The following ARFGEF1 variants were observed in gnomAD, a reference collection of about 807,000 sequenced individuals.
The protein encoded by ARFGEF1 is brefeldin A-inhibited guanine nucleotide-exchange protein 1.
In ARFGEF1, 42 loss-of-function variants were observed where a neutral mutation model predicts 231.0. That is an observed-to-expected ratio of 0.18 (90% CI 0.14 to 0.24). The LOEUF (loss-of-function observed/expected upper bound fraction) is 0.24. Ranked by LOEUF, ARFGEF1 falls within the 10% of genes least tolerant of loss-of-function variation. The probability of loss-of-function intolerance (pLI) is 1.00; values close to 1 mark genes in which losing one functional copy is unlikely to be tolerated. For missense variants in ARFGEF1, 1,345 were observed against 2,192.0 expected, an observed-to-expected ratio of 0.61 and a Z score of 7.72; for synonymous variants, 710 against 732.3, an observed-to-expected ratio of 0.97 and a Z score of 0.49.
chr8:67,200,400 T>G lies in ARFGEF1; in HGVS notation c.5381A>C (p.Asn1794Thr). 1 of 1,551,916 alleles carries G rather than the reference T, an allele frequency of 6.4e-7. No homozygotes were observed. Among genetic ancestry groups the G allele is most frequent in the Non-Finnish European group, 8.9e-7 (1 of 1,123,544 alleles). ...GATTCGAAGCCTCATACTTACCCTATTATCACTTATCTTTAGAACTTTAGT... is the reference window on the plus strand; with the variant it reads ...GATTCGAAGCCTCATACTTACCCTAGTATCACTTATCTTTAGAACTTTAGT... ...FLTKVLKISD[N>T]RFKAHASFYY... The change falls in exon 38 of 39, where the codon AAT (asparagine) becomes ACT (threonine). Residue 1794 changes from asparagine (N) to threonine (T), a missense_variant. Asn to Thr is a moderately conservative substitution (Grantham distance 65). This residue lies in a region of ARFGEF1 where 161 missense variants were observed against 284.9 expected (regional missense o/e 0.57). Transcript: ENST00000262215.
intron 29 of ARFGEF1, among the ~76,000 whole-genome samples, chr8:67,222,190 T>TATATATATATACACAC (rs1839200674): frequency 3.0e-5 from 4 of 134,924 alleles, no homozygotes; most frequent in South Asian, 2.3e-4. Context: ...CACATATATA[T>TATATATATATACACAC]ATATATATAT....
chr8:67,303,692 C>A (rs546975288), intron 1 of ARFGEF1, among the ~76,000 whole-genome samples: 4 of 149,162 alleles, frequency 2.7e-5, no homozygotes, highest in African/African-American at 7.4e-5. Context: ...CCAGCCTCAG[C>A]GACAGAGTGA....
chr8:67,271,599 A>G (rs777362065), intron 10 of ARFGEF1, 103 bp downstream of exon 10: 42 of 862,708 alleles, frequency 4.9e-5, no homozygotes, highest in Non-Finnish European at 6.4e-5. Context: ...CAATATACAA[A>G]TATTATTTCA....
chr8:67,238,141 G>A (rs1420847160), intron 22 of ARFGEF1, among the ~76,000 whole-genome samples: 1 of 152,206 alleles, frequency 6.6e-6, no homozygotes, highest in African/African-American at 2.4e-5. Context: ...CAACCAGAGA[G>A]AAGCCTGAAA....
At chr8:67,284,892 A>G (rs1015966059) in intron 7 of ARFGEF1, among the ~76,000 whole-genome samples, 1 of 152,178 alleles carries the variant, frequency 6.6e-6, no homozygotes, top group African/African-American at 2.4e-5. Flanking sequence ...GCTGAGGAAA[A>G]GGGAAGTTGA....
intron 5 of ARFGEF1, among the ~76,000 whole-genome samples, chr8:67,181,578 G>A (rs774564383): frequency 2.0e-4 from 30 of 152,056 alleles, no homozygotes; most frequent in Non-Finnish European, 4.1e-4. Flanking sequence ...TGCAAATGCT[G>A]CATAAGTAAG....
chr8:67,191,372 C>G (rs991244553), intron 5 of ARFGEF1, among the ~76,000 whole-genome samples: 2 of 152,326 alleles, frequency 1.3e-5, no homozygotes, highest in East Asian at 1.9e-4. Flanking sequence ...GCCAAGTATG[C>G]AGAGACCTCA....
intron 19 of ARFGEF1, among the ~76,000 whole-genome samples, chr8:67,240,902 T>C (rs1445333550): frequency 6.6e-6 from 1 of 152,162 alleles, no homozygotes; most frequent in East Asian, 1.9e-4. Context: ...CTTTGAATCC[T>C]GAATGAAGTT....
At chr8:67,275,305 A>G (rs535291563) in intron 9 of ARFGEF1, among the ~76,000 whole-genome samples, 37 of 152,202 alleles carry the variant, frequency 2.4e-4, no homozygotes, top group African/African-American at 8.9e-4. Context: ...AATTAGTTAC[A>G]TTTGAATCAC....
At chr8:67,320,633 CT>C (rs1382443117) in intron 1 of ARFGEF1, among the ~76,000 whole-genome samples, 10 of 152,182 alleles carry the variant, frequency 6.6e-5, no homozygotes, top group Non-Finnish European at 1.3e-4. Context: ...GTTAAACAAA[CT>C]ATACGACATC....
intron 22 of ARFGEF1, 45 bp downstream of exon 22, chr8:67,238,298 T>G: frequency 6.5e-7 from 1 of 1,528,234 alleles, no homozygotes; most frequent in Non-Finnish European, 8.8e-7. Flanking sequence ...TGACTTATAA[T>G]GAGGAAGTTA....
intron 1 of ARFGEF1, among the ~76,000 whole-genome samples, chr8:67,306,274 G>A (rs1365112877): frequency 6.6e-6 from 1 of 152,164 alleles, no homozygotes; most frequent in African/African-American, 2.4e-5. Context: ...TATAGAGCAT[G>A]GAGACACTGG....
intron 7 of ARFGEF1, among the ~76,000 whole-genome samples, chr8:67,284,053 G>T (rs889579531): frequency 9.9e-5 from 15 of 152,160 alleles, no homozygotes; most frequent in Admixed American, 9.8e-4. Context: ...AGCATTATTT[G>T]TAACAGCAAA....
Position 67,201,528 on chromosome 8 carries a change from G to T in ARFGEF1, c.5206C>A (p.Arg1736=). ...ACGCGGCTCTCATCCATGTACATCC[G>T]GAAGAGAATGCGCAGCCCACAGGCC... ...SLACGLRILF[R]MYMDESRVSA... is the part of the protein sequence containing the mutation. The change falls in exon 37 of 39, where the codon CGG becomes AGG. Residue 1736 remains arginine (R), a synonymous_variant. Transcript: ENST00000262215. The T allele has an allele frequency of 6.2e-7, 1 of 1,613,562 alleles. No homozygotes were observed. Among genetic ancestry groups the T allele is most frequent in the Non-Finnish European group, 8.5e-7 (1 of 1,179,820 alleles).
intron 1 of ARFGEF1, among the ~76,000 whole-genome samples, chr8:67,332,178 A>T (rs962374240): frequency 2.6e-5 from 4 of 152,224 alleles, no homozygotes; most frequent in African/African-American, 4.8e-5. Context: ...AAGTACTTTT[A>T]TATACTTACA....
At chr8:67,334,277 CAA>C (rs1357077453) in intron 1 of ARFGEF1, among the ~76,000 whole-genome samples, 1 of 124,798 alleles carries the variant, frequency 8.0e-6, no homozygotes, top group African/African-American at 3.1e-5. Context: ...GCAAATATTC[CAA>C]AGTCCAAAAA....
intron 5 of ARFGEF1, 74 bp downstream of exon 5, chr8:67,296,357 A>G (rs1359469867): frequency 3.0e-6 from 4 of 1,324,066 alleles, no homozygotes; most frequent in Non-Finnish European, 4.2e-6. Context: ...ATTTCACTCT[A>G]ATTACTGTAA....
chr8:67,227,248 C>A lies in ARFGEF1; in HGVS notation c.3805G>T (p.Ala1269Ser). The A allele has an allele frequency of 6.2e-7, 1 of 1,613,112 alleles. No homozygotes were observed. The highest frequency in any genetic ancestry group is 8.5e-7 in the Non-Finnish European group (1 of 1,179,274). The change falls in exon 27 of 39, where the codon GCT becomes TCT. Residue 1269 changes from alanine to serine, a missense_variant. This residue lies in a region of ARFGEF1 where 142 missense variants were observed against 227.3 expected (regional missense o/e 0.62). Transcript: ENST00000262215. The stretch of plus-strand genomic sequence containing the variant: ...TTCTTCCATCCAGATCGAATGTTAG[C>A]AGCTTGAGAATTAACCATCTGTGCT... Reference protein sequence around the residue: ...CIAQMVNSQAANIRSGWKNIF... With the variant: ...CIAQMVNSQASNIRSGWKNIF...
At chr8:67,229,519 T>A (rs1460369074) in intron 23 of ARFGEF1, among the ~76,000 whole-genome samples, 1 of 152,050 alleles carries the variant, frequency 6.6e-6, no homozygotes, top group Non-Finnish European at 1.5e-5. Context: ...AGAAATGTCT[T>A]AAGATTTTCT....
Sources: allele counts gnomAD v4.1 joint callset (sites outside exome capture counted in the v4.1 genomes callset), GRCh38; gene constraint gnomAD v4.1.1; regional missense constraint gnomAD v4.1.1; transcripts MANE v1.5; gene names NCBI Gene and HGNC (gene_info 2026-07-23, HGNC 2026-07-21).